SEMA4D: variants seen among roughly 807,000 people sequenced by gnomAD.
SEMA4D encodes the protein semaphorin-4D.
Under a neutral mutation model 74.8 loss-of-function variants are expected in SEMA4D, and 22 were observed. That is an observed-to-expected ratio of 0.29 (90% confidence interval 0.21 to 0.42). The LOEUF is 0.42. Among genes scored for constraint, SEMA4D ranks in the 10% least tolerant of loss-of-function variants. The pLI, the probability that SEMA4D is intolerant of heterozygous loss-of-function variation, is 1.00. For synonymous variants in SEMA4D, 445 were observed against 463.7 expected (o/e 0.96, Z 0.52); for missense variants, 937 against 1,118.4 (o/e 0.84, Z 2.31).
chr9:89,396,879 A>G (rs1018488573), intron 5 of SEMA4D, 44 bp from the exon 6 acceptor site: 2 of 1,545,812 alleles, frequency 1.3e-6, no homozygotes, highest in South Asian at 1.2e-5. Flanking sequence ...TCCAGCCCAG[A>G]TGCCCTCCAC....
At chr9:89,420,597 A>G (rs1846717216) in intron 2 of SEMA4D, among the ~76,000 whole-genome samples, 1 of 152,248 alleles carries the variant, frequency 6.6e-6, no homozygotes, top group Non-Finnish European at 1.5e-5. Flanking sequence ...AGCCACTGGC[A>G]GCGCCTTCAT....
intron 15 of SEMA4D, among the ~76,000 whole-genome samples, chr9:89,380,066 T>C (rs1056213297): frequency 2.0e-5 from 3 of 152,166 alleles, no homozygotes; most frequent in African/African-American, 7.2e-5. Flanking sequence ...AGGGTCTGGC[T>C]CTGTTGCCCA....
intron 2 of SEMA4D, among the ~76,000 whole-genome samples, chr9:89,445,198 C>T (rs966892485): frequency 4.6e-5 from 7 of 152,310 alleles, no homozygotes; most frequent in Middle Eastern, 3.4e-3. Flanking sequence ...TTTTCAGAAA[C>T]GGATCCTGCA....
chr9:89,473,332 T>C (rs796563398), intron 1 of SEMA4D, among the ~76,000 whole-genome samples: 2 of 152,198 alleles, frequency 1.3e-5, no homozygotes, highest in African/African-American at 2.4e-5. Context: ...CCCAGCACTT[T>C]AGGAGGCCGA....
chr9:89,409,083 C>T (rs1454412679), intron 2 of SEMA4D, among the ~76,000 whole-genome samples: 2 of 152,060 alleles, frequency 1.3e-5, no homozygotes, highest in South Asian at 2.1e-4. Context: ...GACAGGGGAA[C>T]GTTACTCAGC....
At chr9:89,467,810 G>A (rs141287077) in intron 1 of SEMA4D, among the ~76,000 whole-genome samples, 3,324 of 152,202 alleles carry the variant, frequency 0.022, 65 homozygotes, top group South Asian at 0.075. Context: ...GATTACAGAC[G>A]TGAGCCACTG....
chr9:89,379,643 A>G lies in SEMA4D; in HGVS notation c.1664-14T>C. The G allele has an allele frequency of 6.3e-7, 1 of 1,597,630 alleles. No individual in the cohort carries two copies. Among genetic ancestry groups the G allele is most frequent in the Non-Finnish European group, 8.5e-7 (1 of 1,170,110 alleles). ...CTTTACTTTTATCTGGAACATCAAA[A>G]TAAACGTGCACAGCGTCAACAATCC... is the stretch of plus-strand genomic sequence containing the variant. On this transcript the variant is annotated splice_polypyrimidine_tract_variant and intron_variant, in intron 15 of 15. Coordinates refer to ENST00000422704, the MANE Select transcript of SEMA4D (RefSeq NM_001371194.2).
At chr9:89,382,011 G>A (rs1837214426) in intron 13 of SEMA4D, among the ~76,000 whole-genome samples, 1 of 152,158 alleles carries the variant, frequency 6.6e-6, no homozygotes, top group Non-Finnish European at 1.5e-5. Flanking sequence ...GTCAACCTCC[G>A]AGCTCCAGAG....
At position 89,381,947 on chromosome 9, in the gene SEMA4D, G is replaced by A. The variant is rs541617977; in HGVS notation, c.1447-601C>T. The A allele has an allele frequency of 1.3e-5, 2 of 152,408 alleles. No homozygotes were observed. The highest frequency in any genetic ancestry group is 6.5e-5 in the Admixed American group (1 of 15,312). The allele number at this position is 152,408 out of a possible 1,614,324, so 9.4% of individuals were successfully genotyped here. ...ATACAAAACATAAAAAAGGAACAATGCCTTTTGCTTTTCACTTATCTATAT... is the reference window on the plus strand; with the variant it reads ...ATACAAAACATAAAAAAGGAACAATACCTTTTGCTTTTCACTTATCTATAT... On this transcript the variant is annotated intron_variant, in intron 13 of 15. Coordinates refer to ENST00000422704, the MANE Select transcript of SEMA4D (RefSeq NM_001371194.2). The surrounding 1 kb of genome is among the most constrained non-coding windows in gnomAD (Gnocchi z 4.6).
rs199818552 is a variant in SEMA4D at position 89,392,405 on chromosome 9, T to G, written c.622+18A>C. On this transcript the variant is annotated intron_variant, in intron 8 of 15. Coordinates refer to ENST00000422704, the MANE Select transcript of SEMA4D (RefSeq NM_001371194.2). ...AGGAGACACGCACCTCCCACTAAGGTGCACTGCTCTTCCTTACCGTTCAGC... is the reference window on the plus strand; with the variant it reads ...AGGAGACACGCACCTCCCACTAAGGGGCACTGCTCTTCCTTACCGTTCAGC... 9.3e-5 allele frequency: 143 copies of G among 1,540,232 alleles called. No homozygotes were observed. The Middle Eastern group carries it at 3.4e-3, about 36-fold the overall frequency.
At chr9:89,497,211 C>T (rs1350949459) in intron 1 of SEMA4D, among the ~76,000 whole-genome samples, 2 of 152,230 alleles carry the variant, frequency 1.3e-5, no homozygotes, top group African/African-American at 4.8e-5. Flanking sequence ...AGAGCCAGCC[C>T]CTTGCAGCTC....
chr9:89,429,074 C>T (rs978629336), intron 2 of SEMA4D, among the ~76,000 whole-genome samples: 15 of 152,150 alleles, frequency 9.9e-5, no homozygotes, highest in Admixed American at 7.2e-4. Context: ...TCCAAGAGTG[C>T]GAAGAGTCAA....
downstream of SEMA4D, among the ~76,000 whole-genome samples, chr9:89,372,646 C>A (rs948331367): frequency 6.6e-6 from 1 of 151,994 alleles, no homozygotes; most frequent in Non-Finnish European, 1.5e-5. Flanking sequence ...CAGGCCCTGC[C>A]GATGCACTCA....
intron 16 of SEMA4D, among the ~76,000 whole-genome samples, chr9:89,371,157 CTG>C (rs1382110210): frequency 2.3e-5 from 1 of 42,748 alleles, no homozygotes; most frequent in African/African-American, 1.1e-4. Context: ...TGTGTTATGT[CTG>C]GGGTGTATAA....
chr9:89,415,472 T>C (rs373820663), intron 2 of SEMA4D, among the ~76,000 whole-genome samples: 1 of 152,194 alleles, frequency 6.6e-6, no homozygotes, highest in African/African-American at 2.4e-5. Context: ...AATTCAGATG[T>C]TGAAATCCTA....
At chr9:89,459,414 C>T (rs1348256548) in intron 1 of SEMA4D, among the ~76,000 whole-genome samples, 2 of 152,170 alleles carry the variant, frequency 1.3e-5, no homozygotes, top group Non-Finnish European at 2.9e-5. Context: ...TGCCAAGCTG[C>T]ATCAAAAGTC....
At chr9:89,487,165 A>G (rs1161634044) in intron 1 of SEMA4D, among the ~76,000 whole-genome samples, 2 of 149,518 alleles carry the variant, frequency 1.3e-5, no homozygotes, top group Non-Finnish European at 3.0e-5. Flanking sequence ...TAATATATAA[A>G]ACAAATATAT....
chr9:89,469,315 A>G (rs1859562510), intron 1 of SEMA4D, among the ~76,000 whole-genome samples: 1 of 152,244 alleles, frequency 6.6e-6, no homozygotes, highest in Non-Finnish European at 1.5e-5. Flanking sequence ...GACATCTGAA[A>G]AGGCTCAGAG....
Position 89,386,457 on chromosome 9 carries a change from G to A in SEMA4D, c.1356C>T (p.Ile452=). Residue 452 remains isoleucine, a synonymous_variant, in exon 13 of 16, where the codon ATC becomes ATT. Coordinates refer to ENST00000422704, the MANE Select transcript of SEMA4D (RefSeq NM_001371194.2). The stretch of plus-strand genomic sequence containing the variant: ...TGATGTGAACAGCGTGCTCGAGGCT[G>A]ATGGCTTTGTGCAGAGCTCCCCGGT... ...STDRGALHKA[I]SLEHAVHIIE... 6.2e-7 allele frequency: 1 copy of A among 1,614,032 alleles called. No homozygotes were observed. The highest frequency in any genetic ancestry group is 2.2e-5 in the East Asian group (1 of 44,878).
Sources: allele counts gnomAD v4.1 joint callset (sites outside exome capture counted in the v4.1 genomes callset), GRCh38; gene constraint gnomAD v4.1.1; non-coding constraint Gnocchi (gnomAD v3.1); transcripts MANE v1.5; gene names NCBI Gene and HGNC (gene_info 2026-07-23, HGNC 2026-07-21).